Variants in THSD7A observed in about 807,000 individuals in gnomAD.
THSD7A encodes thrombospondin type-1 domain-containing protein 7A.
Under a neutral mutation model 231.3 loss-of-function variants are expected in THSD7A, and 96 were observed. The ratio of observed to expected loss-of-function variants is 0.41; its 90% confidence interval spans 0.35 to 0.49. The LOEUF is 0.49. Among genes scored for constraint, THSD7A ranks in the 20% least tolerant of loss-of-function variants. The pLI is 0.05. For missense variants in THSD7A, 2,290 were observed against 2,070.2 expected (o/e 1.11, Z -2.06); for synonymous variants, 940 against 743.3 (o/e 1.26, Z -4.30).
chr7:11,498,122 C>G (rs1410106167), intron 6 of THSD7A, among the ~76,000 whole-genome samples: 1 of 152,176 alleles, frequency 6.6e-6, no homozygotes, highest in Non-Finnish European at 1.5e-5. Flanking sequence ...GCTTAGACTC[C>G]TGTACATACC....
At position 11,636,047 on chromosome 7, in the gene THSD7A, G is replaced by T; in HGVS notation, c.1022+83C>A. 2 of 1,309,194 alleles carry T rather than the reference G, an allele frequency of 1.5e-6. No homozygotes were observed. Among genetic ancestry groups the T allele is most frequent in the Non-Finnish European group, 2.1e-6 (2 of 947,312 alleles). The allele number at this position is 1,309,194 out of a possible 1,614,324, so 81.1% of individuals were successfully genotyped here. A position where few individuals can be genotyped will look rare whatever the true frequency, so the allele number is the denominator to read the frequency against. On this transcript the variant is annotated intron_variant, in intron 2 of 27. Coordinates refer to ENST00000423059, the MANE Select transcript of THSD7A (RefSeq NM_015204.3). This position sits in a 1 kb window ranked among gnomAD's most constrained non-coding sequence, Gnocchi z 10.0. Reference sequence around the variant, plus strand: ...GGTTGTGCCCCTACGTAATCCAGAAGTTATTAGATAGTACCGGATATCTTA... The same window carrying T: ...GGTTGTGCCCCTACGTAATCCAGAATTTATTAGATAGTACCGGATATCTTA...
chr7:11,718,055 G>A (rs1337114899), intron 1 of THSD7A, among the ~76,000 whole-genome samples: 3 of 151,604 alleles, frequency 2.0e-5, no homozygotes, highest in African/African-American at 7.3e-5. Flanking sequence ...CAATCATTAT[G>A]GAAGTAATTT....
chr7:11,592,294 T>C (rs988796624), intron 3 of THSD7A, among the ~76,000 whole-genome samples: 1 of 152,314 alleles, frequency 6.6e-6, no homozygotes, highest in Non-Finnish European at 1.5e-5. Context: ...GGAATAGTAG[T>C]AGTAGTAATT....
At chr7:11,739,662 C>G (rs62433409) in intron 1 of THSD7A, among the ~76,000 whole-genome samples, 1 of 151,728 alleles carries the variant, frequency 6.6e-6, no homozygotes, top group Non-Finnish European at 1.5e-5. Context: ...AAGCAATCCT[C>G]TCACCCTGGC....
intron 6 of THSD7A, among the ~76,000 whole-genome samples, chr7:11,488,211 A>G (rs1786740593): frequency 6.6e-6 from 1 of 152,092 alleles, no homozygotes. Flanking sequence ...TGAGTTTTTG[A>G]TATGTTTTGT....
intron 15 of THSD7A, among the ~76,000 whole-genome samples, chr7:11,425,991 T>C (rs375978251): frequency 8.6e-5 from 13 of 151,832 alleles, no homozygotes; most frequent in African/African-American, 2.9e-4. Flanking sequence ...CGCACCAGCA[T>C]GGCACATGTA....
At chr7:11,676,040 C>T (rs1048873295) in intron 1 of THSD7A, among the ~76,000 whole-genome samples, 1 of 152,262 alleles carries the variant, frequency 6.6e-6, no homozygotes, top group Non-Finnish European at 1.5e-5. Flanking sequence ...GGCAGGTGCC[C>T]CTCTAGGACG....
intron 1 of THSD7A, among the ~76,000 whole-genome samples, chr7:11,706,866 C>T (rs906256135): frequency 6.6e-6 from 1 of 150,500 alleles, no homozygotes; most frequent in Non-Finnish European, 1.5e-5. Flanking sequence ...ATCTTCTTGT[C>T]ATTATCTGAA....
intron 1 of THSD7A, among the ~76,000 whole-genome samples, chr7:11,775,446 G>T (rs1424166005): frequency 1.3e-5 from 2 of 152,158 alleles, no homozygotes; most frequent in African/African-American, 4.8e-5. Flanking sequence ...CACCCCATGT[G>T]TTCATTGATG....
chr7:11,571,685 T>C (rs550415295), intron 4 of THSD7A, among the ~76,000 whole-genome samples: 1 of 152,326 alleles, frequency 6.6e-6, no homozygotes, highest in South Asian at 2.1e-4. Context: ...GAAGACTATT[T>C]TCACCAAATG....
chr7:11,379,766 A>C (rs1350636636), intron 24 of THSD7A, 54 bp from the exon 25 acceptor site: 1 of 1,513,944 alleles, frequency 6.6e-7, no homozygotes, highest in Non-Finnish European at 9.0e-7. Flanking sequence ...TATGATGAAA[A>C]TACACTGTGG....
chr7:11,783,244 G>A (rs971241770), intron 1 of THSD7A, among the ~76,000 whole-genome samples: 5 of 152,108 alleles, frequency 3.3e-5, no homozygotes, highest in East Asian at 1.9e-4. Flanking sequence ...AAATCATAGC[G>A]TAGCTAACCT....
chr7:11,803,851 T>C (rs1035176021), intron 1 of THSD7A, among the ~76,000 whole-genome samples: 1 of 152,130 alleles, frequency 6.6e-6, no homozygotes, highest in African/African-American at 2.4e-5. Flanking sequence ...TAGAACTTCC[T>C]CAGTAAATCT....
intron 23 of THSD7A, among the ~76,000 whole-genome samples, chr7:11,400,717 G>A (rs1783371507): frequency 6.6e-6 from 1 of 152,178 alleles, no homozygotes; most frequent in Admixed American, 6.6e-5. Context: ...CTTGGGCTAA[G>A]TCATCTAGCC....
rs1782147671 is a variant in THSD7A at position 11,373,643 on chromosome 7, T to A, written c.*2151A>T. ...TAGCGCTTACTGCATTTAGTTCTTA[T>A]TGAAATACATACAAATATTTTCATT... is the stretch of plus-strand genomic sequence containing the variant. On this transcript the variant is annotated 3_prime_UTR_variant, in exon 28 of 28. Coordinates refer to ENST00000423059, the MANE Select transcript of THSD7A (RefSeq NM_015204.3). 6.6e-6 allele frequency: 1 copy of A among 152,070 alleles called. No individual in the cohort carries two copies. Among genetic ancestry groups the A allele is most frequent in the East Asian group, 1.9e-4 (1 of 5,196 alleles). The allele number at this position is 152,070 out of a possible 1,614,324, so 9.4% of individuals were successfully genotyped here.
Position 11,831,763 on chromosome 7 carries a change from T to G in THSD7A, c.184A>C (p.Lys62Gln), listed in dbSNP as rs1785199622. ...EAEAPTLYLW[K>Q]TGPWGRCMGD... ...GTAACTCCGTCCCACTTACCAGTCT[T>G]CCACAGATAGAGGGTGGGCGCCTCC... is the stretch of plus-strand genomic sequence containing the variant. The change falls in exon 1 of 28, where the codon AAG (lysine) becomes CAG (glutamine). Residue 62 changes from lysine (K) to glutamine (Q), a missense_variant. Coordinates refer to ENST00000423059, the MANE Select transcript of THSD7A (RefSeq NM_015204.3). The surrounding 1 kb of genome is among the most constrained non-coding windows in gnomAD (Gnocchi z 5.0). 6.8e-7 allele frequency: 1 copy of G among 1,473,206 alleles called. No homozygotes were observed. Among genetic ancestry groups the G allele is most frequent in the East Asian group, 2.7e-5 (1 of 36,652 alleles). The allele number at this position is 1,473,206 out of a possible 1,614,324, so 91.3% of individuals were successfully genotyped here. A position where few individuals can be genotyped will look rare whatever the true frequency, so the allele number is the denominator to read the frequency against.
intron 1 of THSD7A, among the ~76,000 whole-genome samples, chr7:11,718,250 T>G (rs1183487003): frequency 1.3e-5 from 2 of 151,668 alleles, no homozygotes; most frequent in African/African-American, 2.4e-5. Flanking sequence ...TGAGGACATT[T>G]ATTTAATAAA....
chr7:11,429,645 G>A (rs2115426581), intron 13 of THSD7A, among the ~76,000 whole-genome samples: 1 of 152,312 alleles, frequency 6.6e-6, no homozygotes, highest in East Asian at 1.9e-4. Context: ...GAAAAATGCA[G>A]GATGTTAAGT....
At chr7:11,450,648 A>G (rs1785113906) in intron 11 of THSD7A, among the ~76,000 whole-genome samples, 1 of 152,078 alleles carries the variant, frequency 6.6e-6, no homozygotes, top group Admixed American at 6.6e-5. Flanking sequence ...CATTTCTGAA[A>G]CACTGAAAAC....
Sources: allele counts gnomAD v4.1 joint callset (sites outside exome capture counted in the v4.1 genomes callset), GRCh38; gene constraint gnomAD v4.1.1; non-coding constraint Gnocchi (gnomAD v3.1); transcripts MANE v1.5; gene names NCBI Gene and HGNC (gene_info 2026-07-23, HGNC 2026-07-21).